The following OVCH1 variants were observed in gnomAD, a reference collection of about 807,000 sequenced individuals.
OVCH1 encodes ovochymase 1, also known as ovochymase-1.
A neutral mutation model predicts 138.4 loss-of-function variants in OVCH1; 139 were observed. That is an observed-to-expected ratio of 1.00 (90% CI 0.87 to 1.16). The LOEUF (loss-of-function observed/expected upper bound fraction) is 1.16. OVCH1 is among the 50% of genes most tolerant of loss of function. OVCH1 has a pLI of 0.00. For missense variants in OVCH1, 1,367 were observed against 1,357.9 expected (o/e 1.01, Z -0.11); for synonymous variants, 453 against 467.8 (o/e 0.97, Z 0.41).
At chr12:29,426,137 G>A (rs1047413070), downstream of OVCH1, 4 of 152,014 alleles carry the variant, frequency 2.6e-5, no homozygotes, top group African/African-American at 9.7e-5. Flanking sequence ...GACACCTCTG[G>A]AATTAGTTCA....
Position 29,486,240 on chromosome 12 carries a change from C to T in OVCH1, c.995+6G>A. On this transcript the variant is annotated splice_donor_region_variant and intron_variant, in intron 8 of 27. Transcript: ENST00000318184. ...AGTCAGCTTCCTTCTCTAATTAGAA[C>T]CACACATACCCTTTCCTCTCTGGCT... The T allele has an allele frequency of 6.2e-7, 1 of 1,605,318 alleles. No individual in the cohort carries two copies. The highest frequency in any genetic ancestry group is 8.5e-7 in the Non-Finnish European group (1 of 1,172,318).
intron 3 of OVCH1, among the ~76,000 whole-genome samples, chr12:29,414,922 A>G (rs1393384554): frequency 6.6e-6 from 1 of 152,188 alleles, no homozygotes; most frequent in Non-Finnish European, 1.5e-5. Context: ...ATACAATAAA[A>G]TAAAACTTAC....
At position 29,421,412 on chromosome 12, in the gene OVCH1, G is replaced by A. The variant is rs1941102623; in HGVS notation, c.*71+1715C>T. 3.3e-5 allele frequency among the ~76,000 whole-genome samples: 5 copies of A among 152,174 alleles called. No individual in the cohort carries two copies. In the South Asian group the frequency reaches 1.0e-3, roughly 32 times the overall value. ...GGTTCAAAACTAGGATTCTGATCAA[G>A]AGATGAGACTTACCTTTTCTTGCAC... On this transcript the variant is annotated intron_variant and NMD_transcript_variant, in intron 3 of 4. Coordinates refer to the OVCH1 transcript ENST00000539117.
In OVCH1 at chr12:29,472,252, G is replaced by C. The variant is rs1942538476; in HGVS notation, c.1676-270C>G. 2.0e-5 allele frequency among the ~76,000 whole-genome samples: 3 copies of C among 152,312 alleles called. No homozygotes were observed. The South Asian group carries it at 6.2e-4, about 32-fold the overall frequency. The stretch of plus-strand genomic sequence containing the variant: ...TAGTGCTTGCCATTTGCTAGGCACT[G>C]TTCCAGACATTGGTGATATATTATT... On this transcript the variant is annotated intron_variant, in intron 15 of 27. Transcript: ENST00000318184.
intron 19 of OVCH1, among the ~76,000 whole-genome samples, chr12:29,461,247 T>C (rs570668201): frequency 5.3e-4 from 80 of 152,098 alleles, no homozygotes; most frequent in South Asian, 1.9e-3. Context: ...GCACACGGAG[T>C]GTTAGGAAGT....
At chr12:29,462,106 G>C (rs1392954865) in intron 18 of OVCH1, 98 bp from the exon 19 acceptor site, 7 of 1,324,620 alleles carry the variant, frequency 5.3e-6, no homozygotes, top group Non-Finnish European at 7.3e-6. Context: ...TACCAACATA[G>C]CTGAAGTCAT....
chr12:29,495,030 CT>C (rs1229087591), intron 4 of OVCH1, among the ~76,000 whole-genome samples: 2 of 151,988 alleles, frequency 1.3e-5, no homozygotes, highest in African/African-American at 4.8e-5. Context: ...ATATGTACTT[CT>C]AATATGTATC....
chr12:29,471,947 G>C (rs908975207), exon 16 of OVCH1: 4 of 1,613,070 alleles, frequency 2.5e-6, no homozygotes, highest in African/African-American at 2.7e-5. Context: ...CTTCTGGAAA[G>C]CCACTGGGGA....
exon 4 of OVCH1, chr12:29,412,708 TTAG>T (rs1271968240): frequency 1.3e-5 from 2 of 152,186 alleles, no homozygotes; most frequent in African/African-American, 4.8e-5. Flanking sequence ...TGGCACCAGA[TTAG>T]TAGTGAAAAC....
downstream of OVCH1, chr12:29,423,319 G>A (rs772782955): frequency 5.3e-5 from 24 of 454,278 alleles, no homozygotes; most frequent in Non-Finnish European, 8.0e-5. Context: ...AGACATATTC[G>A]ATAATTAAAG....
At chr12:29,464,345 C>CA in intron 18 of OVCH1, 162 bp downstream of exon 18, 1 of 835,256 alleles carries the variant, frequency 1.2e-6, no homozygotes, top group Non-Finnish European at 1.9e-6. Flanking sequence ...TTAAATAGCT[C>CA]ATTCTCTATT....
At chr12:29,497,580 T>C (rs1364052645) in intron 1 of OVCH1, 43 bp downstream of exon 1, 3 of 1,609,652 alleles carry the variant, frequency 1.9e-6, no homozygotes, top group Non-Finnish European at 2.5e-6. Context: ...TCCAGCACGC[T>C]CAGCCTCCTC....
At chr12:29,428,606 T>C (rs565474128) in intron 27 of OVCH1, among the ~76,000 whole-genome samples, 2 of 152,280 alleles carry the variant, frequency 1.3e-5, no homozygotes, top group African/African-American at 4.8e-5. Context: ...ATACCCCAAT[T>C]GCTTTATAAT....
chr12:29,409,377 C>A (rs1406162782), downstream of OVCH1, among the ~76,000 whole-genome samples: 1 of 152,004 alleles, frequency 6.6e-6, no homozygotes, highest in African/African-American at 2.4e-5. Flanking sequence ...TCTTACTTTT[C>A]TAGTTCTTTT....
rs191023021 is a variant in OVCH1 at position 29,439,688 on chromosome 12, G to A, written c.3158-254C>T. 2.7e-4 allele frequency among the ~76,000 whole-genome samples: 41 copies of A among 152,128 alleles called. 1 individual carries two copies. The East Asian group carries it at 4.8e-3, about 18-fold the overall frequency. On this transcript the variant is annotated intron_variant, in intron 25 of 27. Transcript: ENST00000318184. ...CACGGACTGCACAGGTTAAGAGCTC[G>A]GTTTCACAAGACTGCTCTCACTCCC...
intron 15 of OVCH1, 115 bp downstream of exon 15, chr12:29,472,914 T>C (rs1942563075): frequency 2.3e-6 from 2 of 858,534 alleles, no homozygotes; most frequent in South Asian, 1.8e-5. Context: ...AATATAAGAC[T>C]CATTCTTCTT....
At chr12:29,433,355 C>T (rs993277425) in intron 27 of OVCH1, among the ~76,000 whole-genome samples, 8 of 152,168 alleles carry the variant, frequency 5.3e-5, no homozygotes, top group Admixed American at 5.2e-4. Flanking sequence ...TTCCCCAGCA[C>T]ACGCTCTCTT....
intron 26 of OVCH1, among the ~76,000 whole-genome samples, chr12:29,437,933 A>C (rs1449292085): frequency 6.6e-6 from 1 of 152,132 alleles, no homozygotes; most frequent in African/African-American, 2.4e-5. Flanking sequence ...TATTTTACAG[A>C]TTTTAGCTTT....
Position 29,429,397 on chromosome 12 carries a change from T to C in OVCH1, c.3328-1749A>G, listed in dbSNP as rs948027643. The stretch of plus-strand genomic sequence containing the variant: ...CATCCAACTGTGCTCAATAATGCTA[T>C]AGGATTCTAATGAAGGATCTGATGA... On this transcript the variant is annotated intron_variant, in intron 27 of 27. Coordinates refer to ENST00000318184, the Ensembl canonical transcript of OVCH1. Among the ~76,000 whole-genome samples, 26 of 152,322 alleles carry C rather than the reference T, an allele frequency of 1.7e-4. 1 individual carries two copies. Among genetic ancestry groups the C allele is most frequent in the Middle Eastern group, 3.4e-3 (1 of 294 alleles).
Sources: allele counts gnomAD v4.1 joint callset (sites outside exome capture counted in the v4.1 genomes callset), GRCh38; gene constraint gnomAD v4.1.1; transcripts MANE v1.5; gene names NCBI Gene and HGNC (gene_info 2026-07-23, HGNC 2026-07-21).